Variants in HMGXB3 observed in about 807,000 individuals in gnomAD.
HMGXB3 encodes HMG-box containing 3, also known as HMG domain-containing protein 3.
HMGXB3 carries 45 observed loss-of-function variants against 121.5 expected under a neutral mutation model. The observed-to-expected ratio is 0.37, with a 90% CI of 0.29 to 0.47. The LOEUF (loss-of-function observed/expected upper bound fraction) is 0.47, where lower values mean the gene tolerates loss of function less well. Among genes scored for constraint, HMGXB3 ranks in the 20% least tolerant of loss-of-function variants. The pLI is 0.99. For synonymous variants in HMGXB3, 590 were observed against 624.1 expected, an observed-to-expected ratio of 0.95 and a Z score of 0.81; for missense variants, 1,376 against 1,602.2, an observed-to-expected ratio of 0.86 and a Z score of 2.41.
chr5:150,045,751 A>T (rs1002636497), intron 16 of HMGXB3, 66 bp downstream of exon 16: 2 of 1,276,106 alleles, frequency 1.6e-6, no homozygotes, highest in East Asian at 5.0e-5. Context: ...GACATTGTCC[A>T]TGGCAAGATA....
chr5:150,005,463 G>C (rs1755675041), intron 2 of HMGXB3, among the ~76,000 whole-genome samples: 1 of 151,908 alleles, frequency 6.6e-6, no homozygotes, highest in Admixed American at 6.6e-5. Context: ...GCCGGGCGTG[G>C]TGGCGCACAC....
In HMGXB3 at chr5:150,012,218, G is replaced by A. The variant is rs924667573; in HGVS notation, c.811-37G>A. 1.2e-5 allele frequency: 18 copies of A among 1,450,782 alleles called. 1 individual carries two copies. The highest frequency in any genetic ancestry group is 3.4e-4 in the Middle Eastern group (2 of 5,824). 89.9% of individuals were successfully genotyped at this position (1,450,782 alleles called of 1,614,324 possible). A position where few individuals can be genotyped will look rare whatever the true frequency, so the allele number is the denominator to read the frequency against. On this transcript the variant is annotated intron_variant, in intron 4 of 19. Coordinates refer to ENST00000502717, the MANE Select transcript of HMGXB3 (RefSeq NM_014983.3). ...TGGCCTGGGTGTTCTTTATTACTCT[G>A]TTTCAGTGAAACTGTCCTTCTCTTC... is the stretch of plus-strand genomic sequence containing the variant.
At position 150,052,208 on chromosome 5, in the gene HMGXB3, A is replaced by C. The variant is rs1417058425; in HGVS notation, c.*16A>C. The C allele has an allele frequency of 6.6e-7, 1 of 1,516,484 alleles. No individual in the cohort carries two copies. Among genetic ancestry groups the C allele is most frequent in the Non-Finnish European group, 8.9e-7 (1 of 1,124,874 alleles). 93.9% of individuals were successfully genotyped at this position (1,516,484 alleles called of 1,614,324 possible). A position where few individuals can be genotyped will look rare whatever the true frequency, so the allele number is the denominator to read the frequency against. ...GGCAGAATAAGCCAGGCTGTTGTAC[A>C]GGGACTACACCATCTCTCAAGCCAT... On this transcript the variant is annotated 3_prime_UTR_variant, in exon 20 of 20. Transcript: ENST00000502717.
intron 11 of HMGXB3, among the ~76,000 whole-genome samples, chr5:150,036,041 G>A (rs1756494468): frequency 6.6e-6 from 1 of 152,140 alleles, no homozygotes; most frequent in South Asian, 2.1e-4. Flanking sequence ...TTTCACAGAT[G>A]AGGAAATTGA....
At position 150,010,282 on chromosome 5, in the gene HMGXB3, C is replaced by G; in HGVS notation, c.484C>G (p.Pro162Ala). The G allele has an allele frequency of 6.4e-7, 1 of 1,551,786 alleles. No individual in the cohort carries two copies. The highest frequency in any genetic ancestry group is 1.2e-5 in the South Asian group (1 of 84,060). Residue 162 changes from proline to alanine, a missense_variant, in exon 4 of 20, where the codon CCT becomes GCT. Coordinates refer to ENST00000502717, the MANE Select transcript of HMGXB3 (RefSeq NM_014983.3). ...GAACCAGATGTCCCCGAAAGGACCT[C>G]CTCTTGTGTCCAACACTGCCCCGGA... ...AQNQMSPKGP[P>A]LVSNTAPETV...
intron 3 of HMGXB3, 104 bp downstream of exon 3, chr5:150,006,751 G>GT: frequency 9.9e-7 from 1 of 1,013,346 alleles, no homozygotes; most frequent in Non-Finnish European, 1.4e-6. Flanking sequence ...TTTGGGAAAA[G>GT]TTTCATCGTT....
intron 9 of HMGXB3, among the ~76,000 whole-genome samples, chr5:150,028,556 TA>T (rs1756297727): frequency 7.2e-5 from 4 of 55,760 alleles, no homozygotes; most frequent in South Asian, 4.4e-4. Context: ...TATATATATA[TA>T]TATTTTTTTT....
chr5:150,028,254 G>A (rs556030887), intron 9 of HMGXB3, among the ~76,000 whole-genome samples: 2 of 151,996 alleles, frequency 1.3e-5, no homozygotes, highest in South Asian at 2.1e-4. Context: ...ATTTCCAAAG[G>A]AGGCAGTCAG....
At chr5:150,037,930 A>G (rs1484117662) in intron 13 of HMGXB3, among the ~76,000 whole-genome samples, 1 of 152,234 alleles carries the variant, frequency 6.6e-6, no homozygotes, top group Non-Finnish European at 1.5e-5. Context: ...GAACAAAAGT[A>G]CGGTTGTGCT....
intron 9 of HMGXB3, among the ~76,000 whole-genome samples, chr5:150,028,541 G>GTGTGTGTGTATATATATATATA (rs1203886454): frequency 2.4e-5 from 1 of 42,090 alleles, no homozygotes; most frequent in Non-Finnish European, 5.0e-5. Context: ...GTGTGTGTGT[G>GTGTGTGTGTATATATATATATA]TATATATATA....
intron 4 of HMGXB3, among the ~76,000 whole-genome samples, chr5:150,011,673 C>T (rs1278182868): frequency 3.4e-5 from 5 of 146,748 alleles, no homozygotes; most frequent in Non-Finnish European, 7.4e-5. Flanking sequence ...GGCACAATCT[C>T]GGCTCACTGC....
chr5:150,008,180 A>G (rs1170560829), intron 3 of HMGXB3, among the ~76,000 whole-genome samples: 2 of 152,192 alleles, frequency 1.3e-5, no homozygotes, highest in African/African-American at 4.8e-5. Context: ...ACTAATGTAG[A>G]TCATTATCAA....
intron 8 of HMGXB3, 69 bp from the exon 9 acceptor site, chr5:150,026,951 A>G (rs1756246216): frequency 6.5e-7 from 1 of 1,531,602 alleles, no homozygotes; most frequent in Admixed American, 2.0e-5. Flanking sequence ...GGGGGTTGAG[A>G]ACGGACATAG....
At chr5:150,040,901 T>C (rs924853933) in intron 14 of HMGXB3, 22 bp downstream of exon 14, 25 of 1,538,770 alleles carry the variant, frequency 1.6e-5, no homozygotes, top group Non-Finnish European at 2.0e-5. Flanking sequence ...TTTCTTCCCT[T>C]TCCCAAGGTT....
In HMGXB3 at chr5:150,037,448, G is replaced by A; in HGVS notation, c.2334G>A (p.Leu778=). 2 of 1,551,288 alleles carry A rather than the reference G, an allele frequency of 1.3e-6. No individual in the cohort carries two copies. The highest frequency in any genetic ancestry group is 1.7e-6 in the Non-Finnish European group (2 of 1,146,742). Residue 778 remains leucine (L), a synonymous_variant, in exon 13 of 20, where the codon CTG becomes CTA. Transcript: ENST00000502717. The part of the protein sequence containing the change: ...QECWLLTASR[L]QTVTAQVKMC... ...GCTGGCTGCTGACAGCCAGCCGTCT[G>A]CAGACAGTGACTGCCCAGGTGAAGA...
At chr5:150,014,401 C>T (rs1427075397) in intron 5 of HMGXB3, among the ~76,000 whole-genome samples, 2 of 152,228 alleles carry the variant, frequency 1.3e-5, no homozygotes, top group African/African-American at 4.8e-5. Context: ...TATGTCATAA[C>T]AGGCACAATC....
chr5:150,040,722 C>T, intron 13 of HMGXB3, 26 bp from the exon 14 acceptor site: 7 of 1,547,316 alleles, frequency 4.5e-6, no homozygotes, highest in Non-Finnish European at 6.1e-6. Context: ...ACATTAATTT[C>T]CTTGTTGCCT....
chr5:150,051,691 T>G, intron 19 of HMGXB3, 34 bp from the exon 20 acceptor site: 1 of 1,464,814 alleles, frequency 6.8e-7, no homozygotes, highest in Non-Finnish European at 9.1e-7. Context: ...TAGTCATTCC[T>G]TCTTATCAAA....
chr5:150,000,987 CGGGGCCGG>C lies in HMGXB3; in HGVS notation c.-192_-185del. 1 of 154,496 alleles carries C rather than the reference CGGGGCCGG, an allele frequency of 6.5e-6. No homozygotes were observed. Among genetic ancestry groups the C allele is most frequent in the Non-Finnish European group, 1.5e-5 (1 of 68,214 alleles). The allele number at this position is 154,496 out of a possible 1,614,324, so 9.6% of individuals were successfully genotyped here. ...CGCCGTGTGTCGCCGGGCGGGGCCG[CGGGGCCGG>C]GGCTCCTTCAGCCCCCGGGATGCGC... On this transcript the variant is annotated 5_prime_UTR_variant, in exon 1 of 20. Coordinates refer to ENST00000502717, the MANE Select transcript of HMGXB3 (RefSeq NM_014983.3).
Sources: gnomAD v4.1 joint callset for allele counts (sites outside exome capture counted in the v4.1 genomes callset) on GRCh38, gnomAD v4.1.1 for gene constraint, MANE v1.5 for transcripts, NCBI Gene and HGNC (gene_info 2026-07-23, HGNC 2026-07-21) for gene names.